The following CSTPP1 variants were observed in gnomAD, a reference collection of about 807,000 sequenced individuals.
CSTPP1 encodes the protein centriolar satellite-associated tubulin polyglutamylase complex regulator 1.
chr11:46,959,226 C>T, the CSTPP1 span, among the ~76,000 whole-genome samples: 1 of 148,204 alleles, frequency 6.7e-6, no homozygotes, highest in South Asian at 2.1e-4. Flanking sequence ...ATGTGAATGT[C>T]GTCTACATTT....
At chr11:47,140,978 G>A in the CSTPP1 span, among the ~76,000 whole-genome samples, 1 of 151,988 alleles carries the variant, frequency 6.6e-6, no homozygotes, top group Non-Finnish European at 1.5e-5. Flanking sequence ...GCGGGTGCCT[G>A]TAGTACCAGC....
chr11:47,014,186 C>T, the CSTPP1 span, among the ~76,000 whole-genome samples: 1 of 147,436 alleles, frequency 6.8e-6, no homozygotes, highest in African/African-American at 2.5e-5. Context: ...CAGTGAGACC[C>T]CCATGAAAAG....
the CSTPP1 span, among the ~76,000 whole-genome samples, chr11:46,998,101 C>T: frequency 2.0e-5 from 3 of 152,182 alleles, no homozygotes; most frequent in Non-Finnish European, 2.9e-5. Context: ...GTTGGAAATG[C>T]GGAAATCACC....
the CSTPP1 span, among the ~76,000 whole-genome samples, chr11:47,142,491 G>A: frequency 6.6e-6 from 1 of 152,112 alleles, no homozygotes; most frequent in South Asian, 2.1e-4. Flanking sequence ...TCATGAATAA[G>A]ATATAGTTCC....
chr11:47,100,647 C>A, the CSTPP1 span, among the ~76,000 whole-genome samples: 2 of 152,172 alleles, frequency 1.3e-5, no homozygotes, highest in African/African-American at 4.8e-5. Flanking sequence ...AAAAATTAGC[C>A]TGGCATGGTG....
the CSTPP1 span, among the ~76,000 whole-genome samples, chr11:46,980,273 T>C: frequency 1.3e-5 from 2 of 152,206 alleles, no homozygotes; most frequent in Non-Finnish European, 2.9e-5. Context: ...TAGACACCTC[T>C]TGTTTTCTGG....
At chr11:47,007,641 A>T in the CSTPP1 span, among the ~76,000 whole-genome samples, 1 of 150,722 alleles carries the variant, frequency 6.6e-6, no homozygotes, top group Admixed American at 6.6e-5. Flanking sequence ...TTACTCCATT[A>T]TCTTATCTTG....
chr11:47,163,931 C>T, the CSTPP1 span, among the ~76,000 whole-genome samples: 1 of 152,156 alleles, frequency 6.6e-6, no homozygotes, highest in Non-Finnish European at 1.5e-5. Context: ...CAGCCATGAG[C>T]CACTGTACCC....
the CSTPP1 span, among the ~76,000 whole-genome samples, chr11:46,996,053 A>T: frequency 1.4e-4 from 21 of 151,784 alleles, no homozygotes; most frequent in African/African-American, 5.1e-4. Flanking sequence ...GTCTCTTTTG[A>T]TCTTTGTTGG....
At chr11:47,078,795 T>G in the CSTPP1 span, among the ~76,000 whole-genome samples, 1 of 152,166 alleles carries the variant, frequency 6.6e-6, no homozygotes, top group Non-Finnish European at 1.5e-5. Flanking sequence ...GGCATAGGAT[T>G]AGCTTGGAAA....
At chr11:46,938,117 G>A in the CSTPP1 span, among the ~76,000 whole-genome samples, 1 of 151,734 alleles carries the variant, frequency 6.6e-6, no homozygotes, top group Non-Finnish European at 1.5e-5. Flanking sequence ...CAGGTGATCC[G>A]CCCACCTCGG....
At chr11:47,062,354 T>A in the CSTPP1 span, among the ~76,000 whole-genome samples, 1 of 152,202 alleles carries the variant, frequency 6.6e-6, no homozygotes, top group South Asian at 2.1e-4. Flanking sequence ...AGAAGATAGA[T>A]TATTGAATGG....
chr11:47,028,086 G>T, the CSTPP1 span, among the ~76,000 whole-genome samples: 1 of 151,988 alleles, frequency 6.6e-6, no homozygotes, highest in South Asian at 2.1e-4. Flanking sequence ...ACCATGCCTG[G>T]CTAATTTTTT....
At chr11:46,974,380 T>G in the CSTPP1 span, among the ~76,000 whole-genome samples, 12 of 149,414 alleles carry the variant, frequency 8.0e-5, no homozygotes, top group East Asian at 2.2e-3. Context: ...ATACAAAAAT[T>G]ATCCAGGCGT....
chr11:47,157,200 G>A, the CSTPP1 span: 2 of 1,594,286 alleles, frequency 1.3e-6, no homozygotes, highest in Admixed American at 1.7e-5. Context: ...GAAAACCTGT[G>A]TGATCGGCAC....
At chr11:47,107,930 C>G in the CSTPP1 span, among the ~76,000 whole-genome samples, 2 of 152,250 alleles carry the variant, frequency 1.3e-5, no homozygotes, top group African/African-American at 4.8e-5. Context: ...GGCAGTGATA[C>G]TTCTCTGTGG....
the CSTPP1 span, among the ~76,000 whole-genome samples, chr11:47,058,286 C>G: frequency 6.6e-6 from 1 of 152,116 alleles, no homozygotes; most frequent in African/African-American, 2.4e-5. Flanking sequence ...TGTGATCGCA[C>G]CACTGCACTC....
At chr11:47,002,420 A>T in the CSTPP1 span, among the ~76,000 whole-genome samples, 3 of 152,232 alleles carry the variant, frequency 2.0e-5, no homozygotes, top group African/African-American at 7.2e-5. Context: ...GGATGCAAGA[A>T]GTTGCCTGTT....
the CSTPP1 span, among the ~76,000 whole-genome samples, chr11:46,996,878 T>C: frequency 6.6e-6 from 1 of 152,224 alleles, no homozygotes; most frequent in East Asian, 1.9e-4. Context: ...TGTTGAATAT[T>C]GGCCCCCACT....
Sources: allele counts gnomAD v4.1 joint callset (sites outside exome capture counted in the v4.1 genomes callset), GRCh38; gene constraint gnomAD v4.1.1; transcripts MANE v1.5; gene names NCBI Gene and HGNC (gene_info 2026-07-23, HGNC 2026-07-21).